The following DIP2A variants were observed in gnomAD, a reference collection of about 807,000 sequenced individuals.
DIP2A encodes the protein disco-interacting protein 2 homolog A.
DIP2A carries 85 observed loss-of-function variants against 177.4 expected under a neutral mutation model. The ratio of observed to expected loss-of-function variants is 0.48; its 90% CI spans 0.40 to 0.57. DIP2A has a LOEUF of 0.57. Ranked by LOEUF, DIP2A falls within the 20% of genes least tolerant of loss-of-function variation. The pLI, the probability that DIP2A is intolerant of heterozygous loss-of-function variation, is 0.00. For missense variants in DIP2A, 1,791 were observed against 2,100.2 expected (o/e 0.85, Z 2.88); for synonymous variants, 886 against 881.8 (o/e 1.00, Z -0.08).
At chr21:46,548,069 G>T (rs2060127762) in intron 21 of DIP2A, among the ~76,000 whole-genome samples, 1 of 152,168 alleles carries the variant, frequency 6.6e-6, no homozygotes, top group South Asian at 2.1e-4. Flanking sequence ...ATTCTGCAAA[G>T]TGGTGTGTCA....
intron 8 of DIP2A, among the ~76,000 whole-genome samples, chr21:46,515,412 C>T (rs910435919): frequency 4.0e-5 from 6 of 150,976 alleles, no homozygotes; most frequent in East Asian, 1.9e-4. Context: ...CCTTTCTCAG[C>T]GTCTGCTTTG....
chr21:46,472,700 C>G (rs908222752), intron 1 of DIP2A, among the ~76,000 whole-genome samples: 1 of 152,196 alleles, frequency 6.6e-6, no homozygotes, highest in African/African-American at 2.4e-5. Context: ...CAGGGGCTAA[C>G]TTACAGCAGG....
chr21:46,554,371 T>G, intron 26 of DIP2A, 79 bp downstream of exon 26: 1 of 1,574,126 alleles, frequency 6.4e-7, no homozygotes, highest in South Asian at 1.2e-5. Context: ...AGACACTCCC[T>G]CCCCGAAGCA....
intron 8 of DIP2A, among the ~76,000 whole-genome samples, chr21:46,517,171 C>T (rs1274243376): frequency 6.7e-6 from 1 of 150,132 alleles, no homozygotes; most frequent in South Asian, 2.1e-4. Context: ...AAGAGGTCCT[C>T]CCACCACAGC....
chr21:46,499,919 T>C (rs1003993872), intron 5 of DIP2A, among the ~76,000 whole-genome samples: 1 of 152,190 alleles, frequency 6.6e-6, no homozygotes, highest in African/African-American at 2.4e-5. Flanking sequence ...TTCCTATTCA[T>C]TTTCTTTGCT....
chr21:46,557,460 T>C lies in DIP2A; in HGVS notation c.3630-125T>C. On this transcript the variant is annotated intron_variant, in intron 30 of 37. Transcript: ENST00000417564. This position sits in a 1 kb window ranked among gnomAD's most constrained non-coding sequence, Gnocchi z 6.0. The stretch of plus-strand genomic sequence containing the variant: ...ATGTTTTCCACCAAACCCCCCCACT[T>C]GGCGTCAGAACAGAAATCATGCCCC... 1 of 1,204,824 alleles carries C rather than the reference T, an allele frequency of 8.3e-7. No individual in the cohort carries two copies. 74.6% of individuals were successfully genotyped at this position (1,204,824 alleles called of 1,614,324 possible). A position where few individuals can be genotyped will look rare whatever the true frequency, so the allele number is the denominator to read the frequency against.
chr21:46,494,141 C>T (rs900483292), intron 3 of DIP2A, among the ~76,000 whole-genome samples: 5 of 152,154 alleles, frequency 3.3e-5, no homozygotes, highest in African/African-American at 1.2e-4. Flanking sequence ...AATATTCAGC[C>T]AATGTTCATA....
chr21:46,511,635 G>A (rs778086402), intron 8 of DIP2A, 21 bp downstream of exon 8: 27 of 1,510,076 alleles, frequency 1.8e-5, no homozygotes, highest in Non-Finnish European at 2.4e-5. Context: ...ACAGAAAGCA[G>A]TTGTGCTTCT....
chr21:46,484,879 A>G, intron 2 of DIP2A, 51 bp downstream of exon 2: 1 of 1,464,462 alleles, frequency 6.8e-7, no homozygotes. Flanking sequence ...GTTTCATAAC[A>G]TGTGATTTTT....
At chr21:46,540,105 A>T (rs1239877268) in intron 17 of DIP2A, 114 bp downstream of exon 17, 1 of 854,472 alleles carries the variant, frequency 1.2e-6, no homozygotes, top group East Asian at 2.5e-5. Flanking sequence ...TTTGTGCAGT[A>T]GTACCTTGGT....
At chr21:46,480,246 C>G (rs969721131) in intron 1 of DIP2A, among the ~76,000 whole-genome samples, 1 of 152,102 alleles carries the variant, frequency 6.6e-6, no homozygotes, top group African/African-American at 2.4e-5. Context: ...ATGAAGAAAG[C>G]AAAGGGACGT....
intron 2 of DIP2A, among the ~76,000 whole-genome samples, chr21:46,485,384 G>A (rs1020715101): frequency 5.3e-5 from 8 of 152,188 alleles, no homozygotes; most frequent in African/African-American, 2.4e-5. Context: ...TATTAAAGCC[G>A]TTGTCACTAA....
At position 46,539,875 on chromosome 21, in the gene DIP2A, A is replaced by G; in HGVS notation, c.1922-2A>G. On this transcript the variant is annotated splice_acceptor_variant, in intron 16 of 37. Transcript: ENST00000417564. LOFTEE classifies it high-confidence loss of function. ...GCGTTCCACTCTTGTTGCTCTGTGCAGGGTCGATCTCCTCCTGTGACGCCT... is the reference window on the plus strand; with the variant it reads ...GCGTTCCACTCTTGTTGCTCTGTGCGGGGTCGATCTCCTCCTGTGACGCCT... 6.2e-7 allele frequency: 1 copy of G among 1,612,628 alleles called. No individual in the cohort carries two copies. Among genetic ancestry groups the G allele is most frequent in the Non-Finnish European group, 8.5e-7 (1 of 1,178,746 alleles).
intron 35 of DIP2A, among the ~76,000 whole-genome samples, chr21:46,565,335 C>G (rs1037481280): frequency 4.6e-5 from 7 of 152,212 alleles, no homozygotes; most frequent in African/African-American, 1.7e-4. Flanking sequence ...ACGCTCTCCA[C>G]TCTGTAAGAA....
chr21:46,576,239 G>C, the DIP2A span, among the ~76,000 whole-genome samples: 1 of 152,140 alleles, frequency 6.6e-6, no homozygotes, highest in Admixed American at 6.6e-5. Flanking sequence ...CCTAAGTCCA[G>C]CATGCATTAG....
chr21:46,475,089 A>G (rs1463860967), intron 1 of DIP2A, among the ~76,000 whole-genome samples: 2 of 151,624 alleles, frequency 1.3e-5, no homozygotes, highest in Non-Finnish European at 1.5e-5. Context: ...TCCACTTAAC[A>G]CTCTTCCTAA....
chr21:46,528,125 T>C (rs577842279), intron 8 of DIP2A, among the ~76,000 whole-genome samples: 13 of 152,278 alleles, frequency 8.5e-5, no homozygotes, highest in South Asian at 4.1e-4. Flanking sequence ...ATGGATGGCA[T>C]TGATACCCGG....
intron 16 of DIP2A, 100 bp downstream of exon 16, chr21:46,538,702 C>A: frequency 2.7e-6 from 4 of 1,460,336 alleles, no homozygotes; most frequent in Non-Finnish European, 3.7e-6. Context: ...ATTTTCACTG[C>A]CATTGTCATA....
At chr21:46,547,172 A>C in intron 21 of DIP2A, 130 bp downstream of exon 21, 1 of 1,439,540 alleles carries the variant, frequency 6.9e-7, no homozygotes, top group Non-Finnish European at 9.1e-7. Context: ...ACATCAGAAA[A>C]CTCCTAAAGT....
Sources: allele counts gnomAD v4.1 joint callset (sites outside exome capture counted in the v4.1 genomes callset), GRCh38; gene constraint gnomAD v4.1.1; non-coding constraint Gnocchi (gnomAD v3.1); transcripts MANE v1.5; gene names NCBI Gene and HGNC (gene_info 2026-07-23, HGNC 2026-07-21).